Variants in COL20A1 observed in about 807,000 individuals in gnomAD.
COL20A1 encodes collagen type XX alpha 1 chain.
A neutral mutation model predicts 152.9 loss-of-function variants in COL20A1; 164 were observed. The observed-to-expected ratio is 1.07, with a 90% confidence interval of 0.94 to 1.22. COL20A1 has a LOEUF of 1.22. COL20A1 is among the 50% of genes most tolerant of loss of function. COL20A1 has a pLI of 0.00. For missense variants in COL20A1, 1,873 were observed against 1,744.8 expected, an observed-to-expected ratio of 1.07 and a Z score of -1.31; for synonymous variants, 864 against 756.0, an observed-to-expected ratio of 1.14 and a Z score of -2.34.
chr20:63,309,201 G>C (rs1386333690), intron 8 of COL20A1, 132 bp from the exon 9 acceptor site: 6 of 629,514 alleles, frequency 9.5e-6, no homozygotes, highest in Non-Finnish European at 1.5e-5. Context: ...CCAGCATGTG[G>C]GTGGCAGGTG....
intron 21 of COL20A1, 101 bp from the exon 22 acceptor site, chr20:63,318,955 CAG>C (rs1377697318): frequency 1.1e-6 from 1 of 898,122 alleles, no homozygotes; most frequent in African/African-American, 1.6e-5. Context: ...AGAGCAGCCT[CAG>C]GGACTGGCAC....
chr20:63,297,173 C>T (rs1289914136), intron 2 of COL20A1, among the ~76,000 whole-genome samples: 5 of 152,242 alleles, frequency 3.3e-5, no homozygotes, highest in Non-Finnish European at 7.3e-5. Context: ...GGCACGTGCA[C>T]CTGGCAGTGA....
Position 63,305,879 on chromosome 20 carries a change from A to G in COL20A1, c.338-2A>G. ...CTGATGGCTCTTTGTGTCTCCCTGC[A>G]GTTGAGGATCTGAAGAGTAGCTCCC... On this transcript the variant is annotated splice_acceptor_variant, in intron 4 of 35. Coordinates refer to ENST00000358894, the MANE Select transcript of COL20A1 (RefSeq NM_020882.4). LOFTEE classifies it high-confidence loss of function. This position sits in a 1 kb window ranked among gnomAD's most constrained non-coding sequence, Gnocchi z 4.9. The G allele has an allele frequency of 6.2e-7, 1 of 1,612,954 alleles. No homozygotes were observed. The highest frequency in any genetic ancestry group is 8.5e-7 in the Non-Finnish European group (1 of 1,179,772).
chr20:63,295,992 T>C (rs2067789235), intron 2 of COL20A1, among the ~76,000 whole-genome samples: 1 of 152,224 alleles, frequency 6.6e-6, no homozygotes, highest in Non-Finnish European at 1.5e-5. Context: ...CTACTGTGCG[T>C]TTAAAGCACC....
intron 3 of COL20A1, 98 bp downstream of exon 3, chr20:63,298,118 T>C (rs904330645): frequency 4.1e-6 from 3 of 739,846 alleles, no homozygotes; most frequent in Non-Finnish European, 6.7e-6. Flanking sequence ...ACAGCATCCC[T>C]CCCACCAGCC....
rs1429273953 is a variant in COL20A1, at chr20:63,295,170, G to C, written c.63G>C (p.Leu21=). The C allele has an allele frequency of 6.4e-7, 1 of 1,554,734 alleles. No individual in the cohort carries two copies. Among genetic ancestry groups the C allele is most frequent in the South Asian group, 1.2e-5 (1 of 84,214 alleles). The part of the protein sequence containing the change: ...LCLWLWLGAT[L]GREQVQASGL... Reference sequence around the variant, plus strand: ...TCTGGCTGTGGCTGGGCGCCACCCTGGGAAGAGAGCAAGTTCAAGGTAAGG... The same window carrying C: ...TCTGGCTGTGGCTGGGCGCCACCCTCGGAAGAGAGCAAGTTCAAGGTAAGG... Residue 21 remains leucine (L), a synonymous_variant, in exon 2 of 36, where the codon CTG becomes CTC. Transcript: ENST00000358894.
At chr20:63,327,809 G>A in intron 31 of COL20A1, 143 bp from the exon 32 acceptor site, 2 of 814,146 alleles carry the variant, frequency 2.5e-6, no homozygotes, top group Admixed American at 2.2e-5. Context: ...CCTAGGATCT[G>A]GGAATTTGGG....
In COL20A1 at chr20:63,313,924, C is replaced by G; in HGVS notation, c.2358+33C>G. On this transcript the variant is annotated intron_variant, in intron 18 of 35. Transcript: ENST00000358894. The surrounding 1 kb of genome is among the most constrained non-coding windows in gnomAD (Gnocchi z 5.9). Reference sequence around the variant, plus strand: ...TTGGTAGAGCCTGAGGCTGCCCCACCTCGTGGGGCCTCCTGGAAGGGGTAT... The same window carrying G: ...TTGGTAGAGCCTGAGGCTGCCCCACGTCGTGGGGCCTCCTGGAAGGGGTAT... 6.3e-7 allele frequency: 1 copy of G among 1,581,394 alleles called. No homozygotes were observed. The highest frequency in any genetic ancestry group is 8.6e-7 in the Non-Finnish European group (1 of 1,163,582).
rs1427888888 is a variant in COL20A1, at chr20:63,313,480, G to C, written c.2209+231G>C. On this transcript the variant is annotated intron_variant, in intron 17 of 35. Transcript: ENST00000358894. The surrounding 1 kb of genome is among the most constrained non-coding windows in gnomAD (Gnocchi z 5.9). ...AAACCACCTAGTGTCCCGCAGGGCAGCCCAGGCAGCAGCCCTGGTTGGGGG... is the reference window on the plus strand; with the variant it reads ...AAACCACCTAGTGTCCCGCAGGGCACCCCAGGCAGCAGCCCTGGTTGGGGG... Among the ~76,000 whole-genome samples, 1 of 152,198 alleles carries C rather than the reference G, an allele frequency of 6.6e-6. No homozygotes were observed. The highest frequency in any genetic ancestry group is 2.4e-5 in the African/African-American group (1 of 41,444).
rs770901402 is a variant in COL20A1, at chr20:63,311,990, G to C, written c.1738G>C (p.Ala580Pro). ...HDAARVFWEGAPRPVRLVRVT... is the reference protein window; with the variant it reads ...HDAARVFWEGPPRPVRLVRVT... ...CGCGGCACGAGTGTTCTGGGAGGGTGCCCCGAGGCCTGTGCGCCTGGTCAG... is the reference window on the plus strand; with the variant it reads ...CGCGGCACGAGTGTTCTGGGAGGGTCCCCCGAGGCCTGTGCGCCTGGTCAG... Residue 580 changes from alanine to proline, a missense_variant, in exon 14 of 36, where the codon GCC becomes CCC. Physicochemically the swap from Ala to Pro is conservative, Grantham distance 27. Transcript: ENST00000358894. This position sits in a 1 kb window ranked among gnomAD's most constrained non-coding sequence, Gnocchi z 4.4. The C allele has an allele frequency of 2.5e-6, 4 of 1,604,612 alleles. No homozygotes were observed. Among genetic ancestry groups the C allele is most frequent in the African/African-American group, 2.7e-5 (2 of 74,756 alleles).
chr20:63,326,659 CA>C (rs2068253967), intron 30 of COL20A1, 92 bp from the exon 31 acceptor site: 3 of 845,634 alleles, frequency 3.5e-6, no homozygotes, highest in African/African-American at 3.6e-5. Flanking sequence ...CTTGTCAGGT[CA>C]GGGGGCCCCT....
chr20:63,314,281 A>C, intron 19 of COL20A1, 80 bp downstream of exon 19: 1 of 1,315,350 alleles, frequency 7.6e-7, no homozygotes, highest in Non-Finnish European at 1.1e-6. Context: ...CCAGCTCCAG[A>C]CTCATCCAAC....
chr20:63,310,242 C>T (rs2067986944), intron 10 of COL20A1, 139 bp from the exon 11 acceptor site: 3 of 883,396 alleles, frequency 3.4e-6, no homozygotes, highest in Middle Eastern at 3.4e-4. Context: ...GTCGTAGGTA[C>T]AGGGAGCCCA....
In COL20A1 at chr20:63,305,406, C is replaced by A; in HGVS notation, c.194-11C>A. ...ACCTTGGCCTCTAAAGCTCTCCCCACCCCTACCCAGGGGACTCGGAACAGG... is the reference window on the plus strand; with the variant it reads ...ACCTTGGCCTCTAAAGCTCTCCCCAACCCTACCCAGGGGACTCGGAACAGG... On this transcript the variant is annotated splice_polypyrimidine_tract_variant and intron_variant, in intron 3 of 35. Transcript: ENST00000358894. The surrounding 1 kb of genome is among the most constrained non-coding windows in gnomAD (Gnocchi z 4.9). 1 of 1,503,990 alleles carries A rather than the reference C, an allele frequency of 6.6e-7. No homozygotes were observed. Among genetic ancestry groups the A allele is most frequent in the South Asian group, 1.4e-5 (1 of 73,604 alleles). The allele number at this position is 1,503,990 out of a possible 1,614,324, so 93.2% of individuals were successfully genotyped here. A position where few individuals can be genotyped will look rare whatever the true frequency, so the allele number is the denominator to read the frequency against.
intron 34 of COL20A1, 59 bp from the exon 35 acceptor site, chr20:63,329,526 G>A: frequency 5.1e-6 from 7 of 1,384,576 alleles, no homozygotes; most frequent in Non-Finnish European, 6.0e-6. Context: ...GTCCCCGTCA[G>A]AACAGGGCCC....
At chr20:63,300,353 A>G (rs927907519) in intron 3 of COL20A1, among the ~76,000 whole-genome samples, 3 of 152,056 alleles carry the variant, frequency 2.0e-5, no homozygotes, top group African/African-American at 7.2e-5. Flanking sequence ...GTGTGTGTGT[A>G]TGTGTGTAAA....
chr20:63,306,532 C>T lies in COL20A1; in HGVS notation c.496+493C>T, dbSNP rs1426584947. On this transcript the variant is annotated intron_variant, in intron 5 of 35. Coordinates refer to ENST00000358894, the MANE Select transcript of COL20A1 (RefSeq NM_020882.4). The surrounding 1 kb of genome is among the most constrained non-coding windows in gnomAD (Gnocchi z 6.9). ...GTGAGAGGGGTGGGTCATGCTCCCC[C>T]AGGAGTGGGATCAGGAGCAGAGCTG... Among the ~76,000 whole-genome samples the T allele has an allele frequency of 2.0e-5, 3 of 152,222 alleles. No homozygotes were observed. The highest frequency in any genetic ancestry group is 7.2e-5 in the African/African-American group (3 of 41,462).
intron 2 of COL20A1, among the ~76,000 whole-genome samples, chr20:63,295,533 G>A (rs1307372680): frequency 2.0e-5 from 3 of 152,000 alleles, no homozygotes; most frequent in African/African-American, 4.8e-5. Context: ...GCTTCCCACC[G>A]CCGCCTCCCA....
In COL20A1 at chr20:63,311,887, TGGCCTTGA is replaced by T; in HGVS notation, c.1664-25_1664-18del. The T allele has an allele frequency of 6.6e-7, 1 of 1,517,672 alleles. No individual in the cohort carries two copies. Among genetic ancestry groups the T allele is most frequent in the East Asian group, 2.4e-5 (1 of 41,042 alleles). 94.0% of individuals were successfully genotyped at this position (1,517,672 alleles called of 1,614,324 possible). ...TGCCCCTGCCATGGAGGCCGCGTGCTGGCCTTGAGGCTCTGCTGTGCTTTGCAGCCACC... is the reference window on the plus strand; with the variant it reads ...TGCCCCTGCCATGGAGGCCGCGTGCTGGCTCTGCTGTGCTTTGCAGCCACC... On this transcript the variant is annotated intron_variant, in intron 13 of 35. Coordinates refer to ENST00000358894, the MANE Select transcript of COL20A1 (RefSeq NM_020882.4). This position sits in a 1 kb window ranked among gnomAD's most constrained non-coding sequence, Gnocchi z 4.4.
Sources: gnomAD v4.1 joint callset for allele counts (sites outside exome capture counted in the v4.1 genomes callset) on GRCh38, gnomAD v4.1.1 for gene constraint, Gnocchi (gnomAD v3.1) non-coding constraint, MANE v1.5 for transcripts, NCBI Gene and HGNC (gene_info 2026-07-23, HGNC 2026-07-21) for gene names.